NTRK2: variants seen among roughly 807,000 people sequenced by gnomAD.
The protein encoded by NTRK2 is BDNF/NT-3 growth factors receptor.
In NTRK2, 13 loss-of-function variants were observed where a neutral mutation model predicts 94.5. The observed-to-expected ratio is 0.14, with a 90% CI of 0.09 to 0.22. NTRK2 has a LOEUF of 0.22. NTRK2 is among the 10% of genes least tolerant of loss of function. The pLI is 1.00. For synonymous variants in NTRK2, 372 were observed against 407.4 expected, an observed-to-expected ratio of 0.91 and a Z score of 1.05; for missense variants, 639 against 1,071.2, an observed-to-expected ratio of 0.60 and a Z score of 5.63.
Position 85,021,804 on chromosome 9 carries a change from A to C in NTRK2, c.*367A>C. ...CTCTGCATAGACAAAGGCCTTAACAAACGTAATTTGTTATATCAGCAGACA... is the reference window on the plus strand; with the variant it reads ...CTCTGCATAGACAAAGGCCTTAACACACGTAATTTGTTATATCAGCAGACA... On this transcript the variant is annotated 3_prime_UTR_variant, in exon 19 of 19. Transcript: ENST00000277120. The C allele has an allele frequency of 3.1e-6, 1 of 320,560 alleles. No homozygotes were observed. The highest frequency in any genetic ancestry group is 5.8e-6 in the Non-Finnish European group (1 of 171,832). 19.9% of individuals were successfully genotyped at this position (320,560 alleles called of 1,614,324 possible).
chr9:84,811,699 G>A (rs1365967991), intron 12 of NTRK2: 1 of 1,065,586 alleles, frequency 9.4e-7, no homozygotes, highest in Non-Finnish European at 1.1e-6. Flanking sequence ...CAGCAGCAAA[G>A]AGGTGGCAGG....
intron 14 of NTRK2, among the ~76,000 whole-genome samples, chr9:84,900,433 T>G (rs1385223096): frequency 6.6e-6 from 1 of 152,168 alleles, no homozygotes; most frequent in Non-Finnish European, 1.5e-5. Context: ...GGGTTGAGGC[T>G]AGTGAGGAAA....
intron 4 of NTRK2, among the ~76,000 whole-genome samples, chr9:84,707,435 C>A (rs1490883523): frequency 6.6e-6 from 1 of 152,076 alleles, no homozygotes; most frequent in Admixed American, 6.5e-5. Context: ...TCAAAATATC[C>A]ATGATGCTCT....
rs146616471 is a variant in NTRK2 at position 84,727,930 on chromosome 9, A to G, written c.1130A>G (p.His377Arg). The change falls in exon 9 of 19, where the codon CAC becomes CGC. Residue 377 changes from histidine (H) to arginine (R), a missense_variant. Physicochemically the swap from His to Arg is conservative, Grantham distance 29. Around this residue, in one of 5 missense-constraint regions of NTRK2, gnomAD observed 343 missense variants for 571.5 expected, o/e 0.60. Coordinates refer to ENST00000277120, the MANE Select transcript of NTRK2 (RefSeq NM_006180.6). Reference sequence around the variant, plus strand: ...AAGGATGAGAAACAGATTTCTGCTCACTTCATGGGCTGGCCTGGAATTGAC... The same window carrying G: ...AAGGATGAGAAACAGATTTCTGCTCGCTTCATGGGCTGGCCTGGAATTGAC... ...YGKDEKQISA[H>R]FMGWPGIDDG... 20 of 1,614,212 alleles carry G rather than the reference A, an allele frequency of 1.2e-5. No individual in the cohort carries two copies. The highest frequency in any genetic ancestry group is 1.7e-5 in the Non-Finnish European group (20 of 1,180,024).
In NTRK2 at chr9:84,724,331, A is replaced by C; in HGVS notation, c.828A>C (p.Gln276His). 1 of 1,614,188 alleles carries C rather than the reference A, an allele frequency of 6.2e-7. No individual in the cohort carries two copies. Among genetic ancestry groups the C allele is most frequent in the Non-Finnish European group, 8.5e-7 (1 of 1,180,000 alleles). ...CVAENLVGEDQDSVNLTVHFA... is the reference protein window; with the variant it reads ...CVAENLVGEDHDSVNLTVHFA... ...CGGAAAATCTTGTAGGAGAAGATCA[A>C]GATTCTGTCAACCTCACTGTGCATT... The change falls in exon 8 of 19, where the codon CAA becomes CAC. Residue 276 changes from glutamine to histidine, a missense_variant. This residue lies in a region of NTRK2 where 343 missense variants were observed against 571.5 expected (regional missense o/e 0.60). Coordinates refer to ENST00000277120, the MANE Select transcript of NTRK2 (RefSeq NM_006180.6).
intron 13 of NTRK2, among the ~76,000 whole-genome samples, chr9:84,861,502 T>C (rs1322036834): frequency 1.3e-5 from 2 of 152,214 alleles, no homozygotes; most frequent in Non-Finnish European, 2.9e-5. Context: ...TCTGAATTGG[T>C]AAATCAGTTT....
At chr9:84,915,431 T>C (rs2077366885) in intron 14 of NTRK2, among the ~76,000 whole-genome samples, 2 of 152,166 alleles carry the variant, frequency 1.3e-5, no homozygotes, top group Non-Finnish European at 1.5e-5. Context: ...GCCCTGGTTG[T>C]TGAAAAGTGG....
At chr9:84,849,070 AT>A (rs965210881) in intron 12 of NTRK2, among the ~76,000 whole-genome samples, 94 of 152,330 alleles carry the variant, frequency 6.2e-4, no homozygotes, top group African/African-American at 2.2e-3. Context: ...AAAGGCCTAT[AT>A]TTTTATAGAT....
At position 84,727,729 on chromosome 9, in the gene NTRK2, A is replaced by G; in HGVS notation, c.929A>G (p.Asn310Ser). 6.2e-7 allele frequency: 1 copy of G among 1,614,012 alleles called. No homozygotes were observed. ...TGCATTCCATTCACTGTGAAAGGCA[A>G]CCCCAAACCAGCGCTTCAGTGGTTC... ...HWCIPFTVKG[N>S]PKPALQWFYN... Residue 310 changes from asparagine to serine, a missense_variant, in exon 9 of 19, where the codon AAC (asparagine) becomes AGC (serine). Asn to Ser is a conservative substitution (Grantham distance 46). Coordinates refer to ENST00000277120, the MANE Select transcript of NTRK2 (RefSeq NM_006180.6).
At chr9:84,725,966 A>G (rs1184457994) in intron 8 of NTRK2, among the ~76,000 whole-genome samples, 1 of 152,136 alleles carries the variant, frequency 6.6e-6, no homozygotes, top group Non-Finnish European at 1.5e-5. Flanking sequence ...TATGAAAGTG[A>G]ATTGGGTCCT....
In NTRK2 at chr9:85,020,187, T is replaced by A. The variant is rs1470641223; in HGVS notation, c.2173-19T>A. On this transcript the variant is annotated intron_variant, in intron 17 of 18. Transcript: ENST00000277120. ...TTTCGGGGTGACTGATGCCTCCCTG[T>A]TGATCCCTTTCTCCCCAGGTCGGTG... The A allele has an allele frequency of 6.2e-7, 1 of 1,613,902 alleles. No homozygotes were observed. The highest frequency in any genetic ancestry group is 1.7e-5 in the Admixed American group (1 of 60,024).
At chr9:84,909,960 T>C (rs1233988417) in intron 14 of NTRK2, among the ~76,000 whole-genome samples, 1 of 152,190 alleles carries the variant, frequency 6.6e-6, no homozygotes, top group Admixed American at 6.5e-5. Context: ...AATTTTTCCT[T>C]TTAGGTTTTG....
intron 17 of NTRK2, among the ~76,000 whole-genome samples, chr9:85,006,623 G>A (rs1438898300): frequency 6.7e-6 from 1 of 149,760 alleles, no homozygotes; most frequent in Non-Finnish European, 1.5e-5. Context: ...TGGGGACAGG[G>A]CACCCAGTAC....
At chr9:84,806,497 TAA>T (rs773874178) in intron 12 of NTRK2, among the ~76,000 whole-genome samples, 5 of 152,202 alleles carry the variant, frequency 3.3e-5, no homozygotes, top group Non-Finnish European at 4.4e-5. Flanking sequence ...GACCAGGACC[TAA>T]ATTTATATAT....
At chr9:84,751,801 T>C (rs973140458) in intron 11 of NTRK2, among the ~76,000 whole-genome samples, 185 bp from the exon 12 acceptor site, 1 of 152,240 alleles carries the variant, frequency 6.6e-6, no homozygotes, top group African/African-American at 2.4e-5. Context: ...AGATCTTACA[T>C]ACTTCACTAT....
chr9:84,727,981 A>G lies in NTRK2; in HGVS notation c.1159+22A>G, dbSNP rs775415994. 5.6e-6 allele frequency: 9 copies of G among 1,606,404 alleles called. No individual in the cohort carries two copies. The African/African-American group carries it at 1.2e-4, about 21-fold the overall frequency. ...GATGGTGAGTAACTGACACTTTTGTATGTGGGGAGAAGATAAAGTCTATCA... is the reference window on the plus strand; with the variant it reads ...GATGGTGAGTAACTGACACTTTTGTGTGTGGGGAGAAGATAAAGTCTATCA... On this transcript the variant is annotated intron_variant, in intron 9 of 18. Transcript: ENST00000277120.
intron 12 of NTRK2, among the ~76,000 whole-genome samples, chr9:84,834,177 A>G (rs1338911497): frequency 6.6e-6 from 1 of 152,258 alleles, no homozygotes; most frequent in Non-Finnish European, 1.5e-5. Flanking sequence ...TTTAGCAAAT[A>G]AATACAGGAT....
chr9:84,737,860 A>C (rs1483713880), intron 9 of NTRK2, among the ~76,000 whole-genome samples: 1 of 151,384 alleles, frequency 6.6e-6, no homozygotes, highest in Non-Finnish European at 1.5e-5. Flanking sequence ...CTGGCTACTC[A>C]CTTTCGGTAA....
chr9:84,876,186 T>C (rs2076060065), intron 14 of NTRK2: 1 of 1,040,942 alleles, frequency 9.6e-7, no homozygotes, highest in East Asian at 5.8e-5. Context: ...CTGAGTGCCA[T>C]ATTCCTAAAT....
Sources: allele counts gnomAD v4.1 joint callset (sites outside exome capture counted in the v4.1 genomes callset), GRCh38; gene constraint gnomAD v4.1.1; regional missense constraint gnomAD v4.1.1; transcripts MANE v1.5; gene names NCBI Gene and HGNC (gene_info 2026-07-23, HGNC 2026-07-21).